Variants in MICU2 observed in about 807,000 individuals in gnomAD.
MICU2 encodes calcium uptake protein 2, mitochondrial.
In MICU2, 64 loss-of-function variants were observed where a neutral mutation model predicts 60.4. The observed-to-expected ratio is 1.06, with a 90% CI of 0.87 to 1.31. The LOEUF is 1.31. Among genes scored for constraint, MICU2 ranks in the 50% most tolerant of loss-of-function variants. MICU2 has a pLI of 0.00. For synonymous variants in MICU2, 201 were observed against 175.0 expected, an observed-to-expected ratio of 1.15 and a Z score of -1.17; for missense variants, 569 against 531.0, an observed-to-expected ratio of 1.07 and a Z score of -0.70.
chr13:21,586,411 TTG>T (rs1888457910), intron 1 of MICU2, among the ~76,000 whole-genome samples: 1 of 152,154 alleles, frequency 6.6e-6, no homozygotes, highest in Non-Finnish European at 1.5e-5. Context: ...CTTGTGTTTT[TTG>T]TTTGTTTTTT....
intron 4 of MICU2, 126 bp downstream of exon 4, chr13:21,539,176 C>T (rs1887212011): frequency 1.3e-6 from 1 of 755,056 alleles, no homozygotes; most frequent in African/African-American, 1.8e-5. Flanking sequence ...AAAAAGTTAC[C>T]TCCTTACTTC....
intron 1 of MICU2, among the ~76,000 whole-genome samples, chr13:21,597,713 C>T (rs139874280): frequency 0.14 from 20,698 of 151,806 alleles, 1,561 homozygotes; most frequent in Middle Eastern, 0.23. Flanking sequence ...GGGTGGATCA[C>T]GAGGTCAGGA....
At chr13:21,537,114 G>T (rs1329589268) in intron 4 of MICU2, among the ~76,000 whole-genome samples, 1 of 151,940 alleles carries the variant, frequency 6.6e-6, no homozygotes, top group African/African-American at 2.4e-5. Flanking sequence ...TTTCCCTCTT[G>T]ACTTTCCTAC....
At chr13:21,536,179 TG>T (rs1249406451) in intron 4 of MICU2, among the ~76,000 whole-genome samples, 1 of 152,110 alleles carries the variant, frequency 6.6e-6, no homozygotes, top group Non-Finnish European at 1.5e-5. Flanking sequence ...CAGAATATAA[TG>T]AAAGTCCACT....
chr13:21,556,785 T>A (rs1248039135), intron 2 of MICU2, among the ~76,000 whole-genome samples: 1 of 151,598 alleles, frequency 6.6e-6, no homozygotes, highest in African/African-American at 2.4e-5. Flanking sequence ...ATTATAAATG[T>A]GAAAAAAGGA....
chr13:21,552,804 C>T (rs1253660816), intron 2 of MICU2, among the ~76,000 whole-genome samples: 4 of 152,120 alleles, frequency 2.6e-5, no homozygotes, highest in Admixed American at 6.5e-5. Context: ...TGTTTTGGTA[C>T]GAGTACCATG....
intron 4 of MICU2, among the ~76,000 whole-genome samples, chr13:21,537,958 T>C (rs1328637172): frequency 1.3e-5 from 2 of 152,144 alleles, no homozygotes; most frequent in Non-Finnish European, 2.9e-5. Flanking sequence ...CTGAAGACAA[T>C]CCCTTCTTTC....
At chr13:21,523,234 A>G (rs951253876) in intron 4 of MICU2, among the ~76,000 whole-genome samples, 1 of 152,182 alleles carries the variant, frequency 6.6e-6, no homozygotes, top group Non-Finnish European at 1.5e-5. Context: ...CTGTACCTCC[A>G]TAATTGCATG....
intron 1 of MICU2, among the ~76,000 whole-genome samples, chr13:21,575,766 C>T (rs993904076): frequency 6.8e-6 from 1 of 146,626 alleles, no homozygotes; most frequent in Non-Finnish European, 1.5e-5. Flanking sequence ...AGGCTAGAGC[C>T]TTAATTTAAA....
chr13:21,593,105 T>C (rs1453894474), intron 1 of MICU2, among the ~76,000 whole-genome samples: 1 of 152,214 alleles, frequency 6.6e-6, no homozygotes, highest in Non-Finnish European at 1.5e-5. Context: ...CATGATTTTA[T>C]ATTTAGAAAA....
chr13:21,515,591 A>G (rs1431138206), intron 6 of MICU2: 2 of 436,066 alleles, frequency 4.6e-6, no homozygotes, highest in Non-Finnish European at 4.6e-6. Flanking sequence ...TAAAAAAGAA[A>G]GCATTTTAAA....
intron 4 of MICU2, among the ~76,000 whole-genome samples, chr13:21,530,521 A>G (rs1218849661): frequency 1.3e-5 from 2 of 152,206 alleles, no homozygotes; most frequent in Non-Finnish European, 2.9e-5. Context: ...CATTCTGAGA[A>G]CATAAACAGT....
At chr13:21,560,959 C>A (rs1036286086) in intron 2 of MICU2, among the ~76,000 whole-genome samples, 3 of 152,158 alleles carry the variant, frequency 2.0e-5, no homozygotes, top group African/African-American at 7.2e-5. Context: ...CTAGAGTTCT[C>A]TTCTAGGGAC....
At position 21,516,695 on chromosome 13, in the gene MICU2, T is replaced by C. The variant is rs552050800; in HGVS notation, c.598-2277A>G. On this transcript the variant is annotated intron_variant, in intron 6 of 11. Transcript: ENST00000382374. ...TTGATGTGACCAGTCTTCTTAATTT[T>C]GGTCATTCTCTTGAGTGTAGTAGTA... 3.5e-4 allele frequency among the ~76,000 whole-genome samples: 54 copies of C among 152,354 alleles called. 1 individual carries two copies. The South Asian group carries it at 8.1e-3, about 23-fold the overall frequency.
intron 4 of MICU2, among the ~76,000 whole-genome samples, chr13:21,529,595 C>T (rs1390769003): frequency 1.3e-5 from 2 of 152,214 alleles, no homozygotes; most frequent in Non-Finnish European, 2.9e-5. Flanking sequence ...CAGAGAGAGA[C>T]TAGGACAGTG....
chr13:21,509,699 G>A (rs780087438), intron 8 of MICU2, among the ~76,000 whole-genome samples: 4 of 152,270 alleles, frequency 2.6e-5, no homozygotes, highest in East Asian at 1.9e-4. Flanking sequence ...GGTTTGTTTC[G>A]CCTAAAGAAC....
intron 2 of MICU2, among the ~76,000 whole-genome samples, chr13:21,557,302 T>A (rs1376495783): frequency 1.3e-5 from 2 of 152,122 alleles, no homozygotes; most frequent in Non-Finnish European, 2.9e-5. Flanking sequence ...TAAAGAACTA[T>A]AAGGCTAAAG....
intron 4 of MICU2, among the ~76,000 whole-genome samples, chr13:21,526,580 C>T (rs375318631): frequency 4.6e-5 from 7 of 151,340 alleles, no homozygotes; most frequent in East Asian, 1.9e-4. Context: ...TAGAGAGATA[C>T]GAATAGTAAG....
intron 6 of MICU2, among the ~76,000 whole-genome samples, chr13:21,517,799 A>ACGCG (rs758514044): frequency 0.032 from 4,355 of 136,204 alleles, 92 homozygotes; most frequent in Non-Finnish European, 0.043. Context: ...ACACACACAC[A>ACGCG]CGCGCGCGCG....
Sources: gnomAD v4.1 joint callset for allele counts (sites outside exome capture counted in the v4.1 genomes callset) on GRCh38, gnomAD v4.1.1 for gene constraint, MANE v1.5 for transcripts, NCBI Gene and HGNC (gene_info 2026-07-23, HGNC 2026-07-21) for gene names.